The following PCDH15 variants were observed in gnomAD, a reference collection of about 807,000 sequenced individuals.
PCDH15 encodes the protein protocadherin related 15, also known as protocadherin-15.
In PCDH15, 129 loss-of-function variants were observed where a neutral mutation model predicts 178.5. The ratio of observed to expected loss-of-function variants is 0.72; its 90% CI spans 0.63 to 0.84. The LOEUF (loss-of-function observed/expected upper bound fraction) is 0.84, where lower values mean the gene tolerates loss of function less well. Among genes scored for constraint, PCDH15 ranks in the 40% least tolerant of loss-of-function variants. PCDH15 has a pLI of 0.00. For missense variants in PCDH15, 2,230 were observed against 2,099.9 expected, an observed-to-expected ratio of 1.06 and a Z score of -1.21; for synonymous variants, 800 against 732.0, an observed-to-expected ratio of 1.09 and a Z score of -1.50.
intron 26 of PCDH15, among the ~76,000 whole-genome samples, chr10:53,897,292 T>C (rs1424787284): frequency 6.6e-6 from 1 of 152,034 alleles, no homozygotes; most frequent in Non-Finnish European, 1.5e-5. Context: ...AAATAAAATG[T>C]TTAAAAACGC....
At chr10:55,373,846 C>A (rs1372552700) in intron 2 of PCDH15, among the ~76,000 whole-genome samples, 1 of 150,398 alleles carries the variant, frequency 6.6e-6, no homozygotes, top group African/African-American at 2.5e-5. Flanking sequence ...CAGACTAACG[C>A]AGGAACAGAA....
intron 1 of PCDH15, among the ~76,000 whole-genome samples, chr10:54,753,359 T>A (rs1166538772): frequency 6.6e-6 from 1 of 152,100 alleles, no homozygotes; most frequent in Non-Finnish European, 1.5e-5. Flanking sequence ...ACTTTTTGTA[T>A]TTTTAGCAGA....
intron 2 of PCDH15, among the ~76,000 whole-genome samples, chr10:54,986,203 G>C (rs897482523): frequency 4.6e-5 from 7 of 152,022 alleles, no homozygotes; most frequent in Admixed American, 1.3e-4. Context: ...TTAAGGGAGA[G>C]GCTGCACCCA....
At chr10:54,852,365 C>T (rs759706137) in intron 3 of PCDH15, among the ~76,000 whole-genome samples, 5 of 152,008 alleles carry the variant, frequency 3.3e-5, no homozygotes, top group Non-Finnish European at 5.9e-5. Context: ...GAGACACAAA[C>T]ATAAAGTGAT....
intron 19 of PCDH15, 37 bp from the exon 20 acceptor site, chr10:54,020,453 T>C (rs761289474): frequency 1.9e-6 from 3 of 1,588,522 alleles, no homozygotes; most frequent in Non-Finnish European, 2.6e-6. Context: ...TTAGTGACGT[T>C]ACCAAAATAA....
chr10:55,187,509 G>A (rs1157022579), intron 1 of PCDH15, among the ~76,000 whole-genome samples: 1 of 151,758 alleles, frequency 6.6e-6, no homozygotes, highest in Non-Finnish European at 1.5e-5. Context: ...AGAGGAGAGG[G>A]CCAATACAAC....
At chr10:54,025,419 T>C (rs891365243) in intron 18 of PCDH15, among the ~76,000 whole-genome samples, 1 of 152,084 alleles carries the variant, frequency 6.6e-6, no homozygotes, top group African/African-American at 2.4e-5. Flanking sequence ...AGATCCCCAC[T>C]TCCTTGATGG....
intron 2 of PCDH15, among the ~76,000 whole-genome samples, chr10:55,328,301 G>A (rs1844089035): frequency 6.6e-6 from 1 of 151,622 alleles, no homozygotes; most frequent in African/African-American, 2.4e-5. Flanking sequence ...TGAGTCATTA[G>A]GTTTTTTGTA....
At chr10:54,944,796 T>C (rs1451903113) in intron 2 of PCDH15, among the ~76,000 whole-genome samples, 4 of 151,894 alleles carry the variant, frequency 2.6e-5, no homozygotes, top group Non-Finnish European at 5.9e-5. Flanking sequence ...AAAGGATAGT[T>C]GGCTAGACTG....
At chr10:55,022,112 C>T (rs996614522) in intron 2 of PCDH15, among the ~76,000 whole-genome samples, 1 of 151,794 alleles carries the variant, frequency 6.6e-6, no homozygotes, top group Non-Finnish European at 1.5e-5. Context: ...TTCAAAATAT[C>T]TATTTTACAG....
chr10:54,840,263 A>G (rs1042488201), intron 3 of PCDH15, among the ~76,000 whole-genome samples: 8 of 152,030 alleles, frequency 5.3e-5, no homozygotes, highest in African/African-American at 1.9e-4. Flanking sequence ...TTTTTAATGG[A>G]TGCACAAATA....
At chr10:54,173,504 A>G (rs1376462048) in intron 13 of PCDH15, among the ~76,000 whole-genome samples, 1 of 152,148 alleles carries the variant, frequency 6.6e-6, no homozygotes, top group East Asian at 1.9e-4. Flanking sequence ...TACTAATATA[A>G]CTGTAGTTTA....
At chr10:54,550,601 A>G (rs149652681) in intron 2 of PCDH15, among the ~76,000 whole-genome samples, 8 of 152,248 alleles carry the variant, frequency 5.3e-5, no homozygotes, top group African/African-American at 1.9e-4. Context: ...GCCTTCCATG[A>G]AAATTATTTA....
intron 2 of PCDH15, among the ~76,000 whole-genome samples, chr10:54,916,263 A>G (rs940753406): frequency 1.4e-4 from 21 of 152,198 alleles, no homozygotes; most frequent in African/African-American, 4.8e-4. Flanking sequence ...CCTGGCTGAC[A>G]TTACCTAATT....
chr10:55,621,367 C>G (rs1176410061), intron 2 of PCDH15, among the ~76,000 whole-genome samples: 2 of 152,160 alleles, frequency 1.3e-5, no homozygotes, highest in Non-Finnish European at 2.9e-5. Context: ...GAAAACCACA[C>G]TGCCAACAGA....
At chr10:55,551,275 A>G (rs1020662138) in intron 2 of PCDH15, among the ~76,000 whole-genome samples, 4 of 152,010 alleles carry the variant, frequency 2.6e-5, no homozygotes, top group African/African-American at 9.7e-5. Flanking sequence ...ATAAAACTGA[A>G]TCACACTGCT....
At chr10:53,812,201 TTTTG>T (rs2075891043) in intron 35 of PCDH15, among the ~76,000 whole-genome samples, 2 of 152,110 alleles carry the variant, frequency 1.3e-5, no homozygotes, top group Non-Finnish European at 2.9e-5. Context: ...TTTAAGGGTT[TTTTG>T]TTTGTCTGTT....
intron 13 of PCDH15, among the ~76,000 whole-genome samples, chr10:54,175,368 A>T (rs1156987166): frequency 6.6e-6 from 1 of 152,202 alleles, no homozygotes; most frequent in Admixed American, 6.5e-5. Context: ...GTAATTTTAT[A>T]TGTTATGTAC....
intron 3 of PCDH15, among the ~76,000 whole-genome samples, chr10:54,850,472 A>C (rs1487172492): frequency 6.6e-6 from 1 of 152,026 alleles, no homozygotes; most frequent in Non-Finnish European, 1.5e-5. Context: ...TGCAAAGTCC[A>C]TTGTATCCTT....
Sources: gnomAD v4.1 joint callset for allele counts (sites outside exome capture counted in the v4.1 genomes callset) on GRCh38, gnomAD v4.1.1 for gene constraint, MANE v1.5 for transcripts, NCBI Gene and HGNC (gene_info 2026-07-23, HGNC 2026-07-21) for gene names.